The following KCNIP1 variants were observed in gnomAD, a reference collection of about 807,000 sequenced individuals.
The protein encoded by KCNIP1 is potassium voltage-gated channel interacting protein 1.
In KCNIP1, 18 loss-of-function variants were observed where a neutral mutation model predicts 33.0. The ratio of observed to expected loss-of-function variants is 0.55; its 90% CI spans 0.38 to 0.81. The LOEUF (loss-of-function observed/expected upper bound fraction) is 0.81, where lower values mean the gene tolerates loss of function less well. Ranked by LOEUF, KCNIP1 falls within the 30% of genes least tolerant of loss-of-function variation. The probability of loss-of-function intolerance (pLI) is 0.00; values close to 1 mark genes in which losing one functional copy is unlikely to be tolerated. For missense variants in KCNIP1, 238 were observed against 271.6 expected, an observed-to-expected ratio of 0.88 and a Z score of 0.87; for synonymous variants, 93 against 98.3, an observed-to-expected ratio of 0.95 and a Z score of 0.32.
intron 1 of KCNIP1, among the ~76,000 whole-genome samples, chr5:170,531,802 CT>C (rs1220861078): frequency 6.6e-6 from 1 of 151,880 alleles, no homozygotes; most frequent in African/African-American, 2.4e-5. Context: ...GCCCCACCCC[CT>C]GTCCTAAGCC....
rs576333416 is a variant in KCNIP1 at position 170,394,489 on chromosome 5, C to T, written c.88+40525C>T. ...TTGGTTTTCGGGAAAAAAAATCTCT[C>T]GCTTTTTTACATAACAGAATATTAT... On this transcript the variant is annotated intron_variant, in intron 1 of 7. Coordinates refer to the KCNIP1 transcript ENST00000377360. 5.9e-5 allele frequency among the ~76,000 whole-genome samples: 9 copies of T among 152,102 alleles called. No homozygotes were observed. The East Asian group carries it at 1.5e-3, about 26-fold the overall frequency.
At chr5:170,735,735 C>T in intron 7 of KCNIP1, 24 bp from the exon 8 acceptor site, 2 of 1,610,742 alleles carry the variant, frequency 1.2e-6, no homozygotes, top group Non-Finnish European at 8.5e-7. Flanking sequence ...GAGTTCTAAC[C>T]CTCTTGCCCT....
intron 1 of KCNIP1, among the ~76,000 whole-genome samples, chr5:170,612,627 G>T (rs1393935283): frequency 6.6e-6 from 1 of 152,224 alleles, no homozygotes; most frequent in Non-Finnish European, 1.5e-5. Flanking sequence ...AGTCTAGGAA[G>T]ATGGAGTAAA....
Position 170,504,515 on chromosome 5 carries a change from C to G in KCNIP1, c.-58C>G. On this transcript the variant is annotated 5_prime_UTR_variant, in exon 1 of 8. Transcript: ENST00000328939. The surrounding 1 kb of genome is among the most constrained non-coding windows in gnomAD (Gnocchi z 6.0). ...GTAGACAAACCACGGGGATTTCTTT[C>G]CAGGGTAGGGGAGGGGCCGGGCCCG... The G allele has an allele frequency of 6.2e-7, 1 of 1,607,068 alleles. No homozygotes were observed. The highest frequency in any genetic ancestry group is 1.3e-5 in the African/African-American group (1 of 74,872).
At chr5:170,536,596 G>A (rs1205381592) in intron 1 of KCNIP1, among the ~76,000 whole-genome samples, 1 of 152,140 alleles carries the variant, frequency 6.6e-6, no homozygotes, top group Non-Finnish European at 1.5e-5. Context: ...AGGTCTCAGT[G>A]GGCCAAGGTG....
At chr5:170,523,379 G>A (rs1755442838) in intron 1 of KCNIP1, among the ~76,000 whole-genome samples, 1 of 152,242 alleles carries the variant, frequency 6.6e-6, no homozygotes, top group Admixed American at 6.5e-5. Context: ...TTATTGCATG[G>A]ATAATTACAC....
At chr5:170,585,103 G>T (rs1369685516) in intron 1 of KCNIP1, among the ~76,000 whole-genome samples, 1 of 152,068 alleles carries the variant, frequency 6.6e-6, no homozygotes. Context: ...GGGTCACACA[G>T]CTAAGAAGTC....
intron 1 of KCNIP1, among the ~76,000 whole-genome samples, chr5:170,687,486 C>T (rs148296161): frequency 6.6e-6 from 1 of 152,318 alleles, no homozygotes; most frequent in African/African-American, 2.4e-5. Context: ...CGTGCCTGGC[C>T]AAACCTAAGT....
upstream of KCNIP1, among the ~76,000 whole-genome samples, chr5:170,499,768 C>T (rs891722731): frequency 6.6e-6 from 1 of 152,128 alleles, no homozygotes; most frequent in Admixed American, 6.5e-5. Flanking sequence ...AGGGAAAGAA[C>T]AGGGCTTGTG....
intron 1 of KCNIP1, among the ~76,000 whole-genome samples, chr5:170,540,095 G>A (rs1310807455): frequency 6.6e-6 from 1 of 152,132 alleles, no homozygotes; most frequent in African/African-American, 2.4e-5. Flanking sequence ...CCTGGGTCTG[G>A]GTTCTTCTGA....
intron 1 of KCNIP1, among the ~76,000 whole-genome samples, chr5:170,519,577 T>G (rs1407169260): frequency 6.6e-6 from 1 of 151,968 alleles, no homozygotes; most frequent in Non-Finnish European, 1.5e-5. Flanking sequence ...GAAAATAAAG[T>G]GTAAATGGAG....
chr5:170,379,263 T>C (rs1335456346), intron 1 of KCNIP1, among the ~76,000 whole-genome samples: 1 of 152,116 alleles, frequency 6.6e-6, no homozygotes, highest in South Asian at 2.1e-4. Context: ...TGTAGAATTT[T>C]TGGCAAATTT....
At chr5:170,507,484 G>C (rs996633624) in intron 1 of KCNIP1, among the ~76,000 whole-genome samples, 1 of 152,138 alleles carries the variant, frequency 6.6e-6, no homozygotes, top group African/African-American at 2.4e-5. Context: ...GAAGTAGGCA[G>C]TACATCTGAG....
At chr5:170,659,332 A>G (rs1761388639) in intron 1 of KCNIP1, among the ~76,000 whole-genome samples, 1 of 152,196 alleles carries the variant, frequency 6.6e-6, no homozygotes, top group South Asian at 2.1e-4. Context: ...GGACACCCAA[A>G]TTAGGGACAT....
At chr5:170,467,094 C>T (rs1008419762) in intron 1 of KCNIP1, among the ~76,000 whole-genome samples, 5 of 151,970 alleles carry the variant, frequency 3.3e-5, no homozygotes, top group African/African-American at 9.7e-5. Context: ...GAAGTTTTGG[C>T]GGAGTTGACA....
At chr5:170,571,776 G>A (rs1352390205) in intron 1 of KCNIP1, among the ~76,000 whole-genome samples, 2 of 152,086 alleles carry the variant, frequency 1.3e-5, no homozygotes, top group African/African-American at 2.4e-5. Context: ...CATTTCTGGG[G>A]GCTCAGGGAA....
intron 1 of KCNIP1, among the ~76,000 whole-genome samples, chr5:170,364,162 C>T (rs1347253819): frequency 1.3e-5 from 2 of 152,032 alleles, no homozygotes; most frequent in Non-Finnish European, 2.9e-5. Context: ...CACCACCACA[C>T]CCAACTAATT....
In KCNIP1 at chr5:170,732,773, C is replaced by G. The variant is rs765083797; in HGVS notation, c.436-27C>G. 4 of 1,479,750 alleles carry G rather than the reference C, an allele frequency of 2.7e-6. No homozygotes were observed. The South Asian group carries it at 4.5e-5, about 17-fold the overall frequency. The allele number at this position is 1,479,750 out of a possible 1,614,324, so 91.7% of individuals were successfully genotyped here. Reference sequence around the variant, plus strand: ...AGAGCTTGACCTCATGGTTTCCACACTGTGTGCTTTTATGTCCCTGCTCCA... The same window carrying G: ...AGAGCTTGACCTCATGGTTTCCACAGTGTGTGCTTTTATGTCCCTGCTCCA... On this transcript the variant is annotated intron_variant, in intron 5 of 7. Transcript: ENST00000328939.
chr5:170,402,871 A>G (rs911915620), intron 1 of KCNIP1, among the ~76,000 whole-genome samples: 1 of 152,006 alleles, frequency 6.6e-6, no homozygotes, highest in African/African-American at 2.4e-5. Context: ...TATTTCACTC[A>G]TTTTTCAGAA....
Sources: allele counts gnomAD v4.1 joint callset (sites outside exome capture counted in the v4.1 genomes callset), GRCh38; gene constraint gnomAD v4.1.1; non-coding constraint Gnocchi (gnomAD v3.1); transcripts MANE v1.5; gene names NCBI Gene and HGNC (gene_info 2026-07-23, HGNC 2026-07-21).